Variants in ADK observed in about 807,000 individuals in gnomAD.
ADK encodes N6,N6-dimethyladenosine kinase.
In ADK, 24 loss-of-function variants were observed where a neutral mutation model predicts 44.7. The observed-to-expected ratio is 0.54, with a 90% confidence interval of 0.39 to 0.76. The LOEUF is 0.76. Among genes scored for constraint, ADK ranks in the 30% least tolerant of loss-of-function variants. The pLI, the probability that ADK is intolerant of heterozygous loss-of-function variation, is 0.00. For synonymous variants in ADK, 128 were observed against 142.6 expected, an observed-to-expected ratio of 0.90 and a Z score of 0.73; for missense variants, 321 against 425.1, an observed-to-expected ratio of 0.76 and a Z score of 2.15.
chr10:74,322,704 CCTCTCTCCTTTCCTTGT>C (rs1840858012), intron 4 of ADK, among the ~76,000 whole-genome samples: 1 of 151,174 alleles, frequency 6.6e-6, no homozygotes, highest in South Asian at 2.1e-4. Context: ...CCCTTTTCTC[CCTCTCTCCTTTCCTTGT>C]CTCTCTCCTT....
At chr10:74,239,231 C>T (rs548666175) in intron 3 of ADK, among the ~76,000 whole-genome samples, 2 of 151,374 alleles carry the variant, frequency 1.3e-5, no homozygotes, top group East Asian at 1.9e-4. Context: ...CAGTTATAAT[C>T]GAATGTAACT....
intron 1 of ADK, among the ~76,000 whole-genome samples, chr10:74,179,101 G>T (rs1178095970): frequency 6.6e-6 from 1 of 152,160 alleles, no homozygotes; most frequent in African/African-American, 2.4e-5. Flanking sequence ...AAGTAGGCAG[G>T]GTTAGCCAAG....
intron 8 of ADK, among the ~76,000 whole-genome samples, chr10:74,592,630 A>C (rs1851762365): frequency 6.6e-6 from 1 of 151,990 alleles, no homozygotes; most frequent in African/African-American, 2.4e-5. Context: ...CTCATAGGGG[A>C]AACAAAGCAA....
chr10:74,518,821 A>G (rs1418560332), intron 6 of ADK, among the ~76,000 whole-genome samples: 1 of 152,054 alleles, frequency 6.6e-6, no homozygotes, highest in East Asian at 1.9e-4. Flanking sequence ...TTATTCCCTT[A>G]TAATCTTTTT....
chr10:74,393,482 A>AT (rs1843408880), intron 4 of ADK, among the ~76,000 whole-genome samples: 2 of 152,174 alleles, frequency 1.3e-5, no homozygotes, highest in Non-Finnish European at 2.9e-5. Flanking sequence ...TTTTAAAAGA[A>AT]TTTTTTTAGA....
intron 4 of ADK, among the ~76,000 whole-genome samples, chr10:74,356,002 ATTTT>A (rs34454856): frequency 2.4e-5 from 2 of 83,310 alleles, no homozygotes; most frequent in Admixed American, 1.4e-4. Context: ...TAAATAATTC[ATTTT>A]TTTTTTTTTT....
At chr10:74,153,832 G>T (rs10430521) in intron 1 of ADK, among the ~76,000 whole-genome samples, 1 of 152,164 alleles carries the variant, frequency 6.6e-6, no homozygotes, top group South Asian at 2.1e-4. Flanking sequence ...TTTAGCGATC[G>T]CCTCTTAAGA....
intron 6 of ADK, among the ~76,000 whole-genome samples, chr10:74,514,983 C>T (rs1050473453): frequency 6.6e-6 from 1 of 152,070 alleles, no homozygotes; most frequent in Non-Finnish European, 1.5e-5. Context: ...CACCAATATG[C>T]CCTGCTAATT....
intron 6 of ADK, among the ~76,000 whole-genome samples, chr10:74,452,614 T>A (rs1250015590): frequency 6.6e-6 from 1 of 152,040 alleles, no homozygotes; most frequent in Non-Finnish European, 1.5e-5. Context: ...GTTTTTTAAT[T>A]TATTTTTCTT....
At chr10:74,395,925 T>A (rs1843489970) in intron 5 of ADK, among the ~76,000 whole-genome samples, 1 of 152,082 alleles carries the variant, frequency 6.6e-6, no homozygotes, top group Admixed American at 6.6e-5. Context: ...GTAGGAGAAT[T>A]GCTTGAACCT....
intron 10 of ADK, among the ~76,000 whole-genome samples, chr10:74,700,137 C>CACATTT (rs1589380844): frequency 6.6e-6 from 1 of 152,080 alleles, no homozygotes; most frequent in Non-Finnish European, 1.5e-5. Flanking sequence ...TAAATGCCCA[C>CACATTT]ACATAGGAGA....
chr10:74,262,325 AAAAAAC>A (rs1375029863), intron 3 of ADK, among the ~76,000 whole-genome samples: 1 of 151,884 alleles, frequency 6.6e-6, no homozygotes, highest in African/African-American at 2.4e-5. Context: ...AAAAAAAAAA[AAAAAAC>A]AAAAAAACTC....
chr10:74,410,412 G>A (rs1844128869), intron 6 of ADK, among the ~76,000 whole-genome samples: 1 of 152,116 alleles, frequency 6.6e-6, no homozygotes, highest in African/African-American at 2.4e-5. Context: ...AGTGGCTCAA[G>A]CCTGAAATTC....
chr10:74,363,958 C>T (rs1201386052), intron 4 of ADK, among the ~76,000 whole-genome samples: 1 of 152,184 alleles, frequency 6.6e-6, no homozygotes, highest in Non-Finnish European at 1.5e-5. Context: ...GAGTCTGGGG[C>T]CTCCCTTGGG....
At chr10:74,586,924 T>TAC (rs543504467) in intron 7 of ADK, among the ~76,000 whole-genome samples, 126 of 150,052 alleles carry the variant, frequency 8.4e-4, no homozygotes, top group Non-Finnish European at 1.5e-3. Flanking sequence ...TATATACATA[T>TAC]ACACACACAT....
rs145607222 is a variant in ADK, at chr10:74,353,210, A to G, written c.273+38465A>G. Among the ~76,000 whole-genome samples, 344 of 152,304 alleles carry G rather than the reference A, an allele frequency of 2.3e-3. 3 individuals are homozygous for G. Among genetic ancestry groups the G allele is most frequent in the Non-Finnish European group, 3.2e-3 (219 of 68,016 alleles). On this transcript the variant is annotated intron_variant, in intron 4 of 10. Transcript: ENST00000539909. ...AGAGAAAATGTTGCACAGAGACACC[A>G]TGGAATACTATGCAGCCATAAAAAA...
intron 6 of ADK, among the ~76,000 whole-genome samples, chr10:74,485,403 A>C (rs1331365571): frequency 6.6e-6 from 1 of 151,914 alleles, no homozygotes; most frequent in Non-Finnish European, 1.5e-5. Flanking sequence ...TCAAGGTTGC[A>C]GTGTGGTATG....
intron 6 of ADK, among the ~76,000 whole-genome samples, chr10:74,422,265 A>G (rs899538605): frequency 6.6e-6 from 1 of 152,234 alleles, no homozygotes; most frequent in African/African-American, 2.4e-5. Flanking sequence ...ACAAATCCCA[A>G]CTGATGGACA....
rs183765458 is a variant in ADK, at chr10:74,476,716, G to T, written c.556-48540G>T. On this transcript the variant is annotated intron_variant, in intron 6 of 10. Transcript: ENST00000539909. ...TATCACAGTTTGCATTCCATCTTGG[G>T]TTCCCTTAACATCCTAATTGATATT... is the stretch of plus-strand genomic sequence containing the variant. Among the ~76,000 whole-genome samples the T allele has an allele frequency of 4.6e-5, 7 of 152,126 alleles. No homozygotes were observed. In the East Asian group the frequency reaches 1.4e-3, roughly 29 times the overall value.
Sources: allele counts gnomAD v4.1 joint callset (sites outside exome capture counted in the v4.1 genomes callset), GRCh38; gene constraint gnomAD v4.1.1; transcripts MANE v1.5; gene names NCBI Gene and HGNC (gene_info 2026-07-23, HGNC 2026-07-21).